The following UBE3C variants were observed in gnomAD, a reference collection of about 807,000 sequenced individuals.
UBE3C encodes ubiquitin protein ligase E3C.
Under a neutral mutation model 129.4 loss-of-function variants are expected in UBE3C, and 42 were observed. The ratio of observed to expected loss-of-function variants is 0.32; its 90% CI spans 0.25 to 0.42. UBE3C has a LOEUF of 0.42. Among genes scored for constraint, UBE3C ranks in the 10% least tolerant of loss-of-function variants. UBE3C has a pLI of 1.00. For synonymous variants in UBE3C, 510 were observed against 492.4 expected (o/e 1.04, Z -0.47); for missense variants, 1,049 against 1,319.1 (o/e 0.80, Z 3.17).
intron 13 of UBE3C, among the ~76,000 whole-genome samples, chr7:157,214,112 C>T (rs1319847128): frequency 6.6e-6 from 1 of 152,100 alleles, no homozygotes; most frequent in Non-Finnish European, 1.5e-5. Flanking sequence ...CCCCATCTCC[C>T]TCCACCGCCT....
intron 3 of UBE3C, 38 bp downstream of exon 3, chr7:157,169,160 G>A (rs1714109776): frequency 6.5e-7 from 1 of 1,532,100 alleles, no homozygotes; most frequent in Admixed American, 1.7e-5. Flanking sequence ...AGTAGGGCAT[G>A]GGAGAGCTTA....
intron 8 of UBE3C, 100 bp from the exon 9 acceptor site, chr7:157,183,778 A>G: frequency 1.4e-6 from 2 of 1,384,058 alleles, no homozygotes; most frequent in Admixed American, 2.2e-5. Context: ...AGATCTGGTC[A>G]GAAATGCCTC....
rs1563043995 is a variant in UBE3C at position 157,181,511 on chromosome 7, CT to C, written c.617-3del. ...ACTAAATTTTAAATATGTGTTTTTC[CT>C]TTTAGGGTATTATAGGTCTCTATAT... On this transcript the variant is annotated splice_region_variant and splice_polypyrimidine_tract_variant and intron_variant, in intron 6 of 22. Coordinates refer to ENST00000348165, the MANE Select transcript of UBE3C (RefSeq NM_014671.3). 14 of 1,551,410 alleles carry C rather than the reference CT, an allele frequency of 9.0e-6. No homozygotes were observed. Among genetic ancestry groups the C allele is most frequent in the African/African-American group, 1.4e-5 (1 of 70,954 alleles).
In UBE3C at chr7:157,228,089, T is replaced by TTAATTATATGTG. The variant is rs1795926912; in HGVS notation, c.2233+2550_2233+2551insTAATTATATGTG. On this transcript the variant is annotated intron_variant, in intron 17 of 22. Transcript: ENST00000348165. ...AAAATTTACATATAATCAACTAATG[T>TTAATTATATGTG]GATTATTCCACGTGTCATCTAGTCA... Among the ~76,000 whole-genome samples the TTAATTATATGTG allele has an allele frequency of 3.9e-5, 6 of 152,378 alleles. No homozygotes were observed. In the South Asian group the frequency reaches 1.2e-3, roughly 32 times the overall value.
At chr7:157,149,987 G>A (rs575424925) in intron 1 of UBE3C, among the ~76,000 whole-genome samples, 17 of 152,232 alleles carry the variant, frequency 1.1e-4, no homozygotes, top group Admixed American at 2.6e-4. Context: ...CATCACCTTC[G>A]ATGGTGGTCA....
intron 19 of UBE3C, among the ~76,000 whole-genome samples, chr7:157,249,685 A>G (rs1584821265): frequency 6.6e-6 from 1 of 152,212 alleles, no homozygotes; most frequent in African/African-American, 2.4e-5. Context: ...TTTCTGGCCA[A>G]ATGATATTCC....
chr7:157,199,188 A>G (rs539675602), intron 10 of UBE3C, among the ~76,000 whole-genome samples: 16 of 152,328 alleles, frequency 1.1e-4, no homozygotes, highest in African/African-American at 2.4e-4. Context: ...TAAAAACTCA[A>G]TTTCTCAACT....
chr7:157,163,949 TG>T, intron 2 of UBE3C, 86 bp downstream of exon 2: 1 of 1,226,386 alleles, frequency 8.2e-7, no homozygotes. Flanking sequence ...TATATGTATG[TG>T]TGTATGTATT....
Position 157,260,455 on chromosome 7 carries a change from G to A in UBE3C, c.3081+3411G>A, listed in dbSNP as rs563972520. Among the ~76,000 whole-genome samples the A allele has an allele frequency of 3.9e-5, 6 of 152,258 alleles. No individual in the cohort carries two copies. The South Asian group carries it at 6.2e-4, about 16-fold the overall frequency. Reference sequence around the variant, plus strand: ...ATGTGACCAGATAGGAGAATCTCTCGAGCGCAGGGAAAGCTGGGTGCTGCC... The same window carrying A: ...ATGTGACCAGATAGGAGAATCTCTCAAGCGCAGGGAAAGCTGGGTGCTGCC... On this transcript the variant is annotated intron_variant, in intron 22 of 22. Transcript: ENST00000348165.
intron 5 of UBE3C, among the ~76,000 whole-genome samples, chr7:157,175,302 C>T (rs1387704977): frequency 3.9e-5 from 6 of 151,918 alleles, no homozygotes; most frequent in Non-Finnish European, 7.4e-5. Flanking sequence ...TGAATGATGG[C>T]CATCCTGGTT....
intron 18 of UBE3C, among the ~76,000 whole-genome samples, chr7:157,237,753 C>T (rs1796188836): frequency 6.6e-6 from 1 of 151,908 alleles, no homozygotes; most frequent in African/African-American, 2.4e-5. Context: ...AACAAATAAT[C>T]TAAAAAATAG....
intron 22 of UBE3C, among the ~76,000 whole-genome samples, chr7:157,259,869 GT>G (rs1796852266): frequency 1.3e-5 from 2 of 152,132 alleles, no homozygotes; most frequent in African/African-American, 4.8e-5. Context: ...CAATTAAGCT[GT>G]TCTTAAAAAT....
At chr7:157,159,248 A>G (rs1808000781) in intron 1 of UBE3C, among the ~76,000 whole-genome samples, 1 of 152,212 alleles carries the variant, frequency 6.6e-6, no homozygotes. Flanking sequence ...AAACTTGAAA[A>G]AAGTATTTTG....
At chr7:157,212,992 G>A (rs571291438) in intron 13 of UBE3C, among the ~76,000 whole-genome samples, 129 of 151,952 alleles carry the variant, frequency 8.5e-4, no homozygotes, top group Non-Finnish European at 1.5e-3. Context: ...TCCTAGGCTC[G>A]AGTGATCTGC....
chr7:157,223,111 T>C (rs1795782994), intron 15 of UBE3C, 143 bp from the exon 16 acceptor site: 1 of 785,686 alleles, frequency 1.3e-6, no homozygotes, highest in African/African-American at 1.7e-5. Flanking sequence ...TGGGTCTGCC[T>C]GAGGCGGGGA....
intron 17 of UBE3C, among the ~76,000 whole-genome samples, chr7:157,230,326 C>G (rs1282368664): frequency 6.6e-6 from 1 of 151,790 alleles, no homozygotes; most frequent in African/African-American, 2.4e-5. Context: ...CTTCCCTGAA[C>G]CACATTGGAA....
chr7:157,256,315 G>A (rs1337798603), intron 21 of UBE3C, among the ~76,000 whole-genome samples: 2 of 152,014 alleles, frequency 1.3e-5, no homozygotes, highest in East Asian at 1.9e-4. Flanking sequence ...GCGAATTTTT[G>A]TACATTTGGT....
chr7:157,238,051 A>G (rs1796198498), intron 18 of UBE3C, among the ~76,000 whole-genome samples: 1 of 152,166 alleles, frequency 6.6e-6, no homozygotes. Flanking sequence ...CTGTCTCAAA[A>G]TAATAATAAA....
chr7:157,182,894 G>A (rs1563044792), intron 8 of UBE3C, among the ~76,000 whole-genome samples: 1 of 151,988 alleles, frequency 6.6e-6, no homozygotes, highest in Non-Finnish European at 1.5e-5. Flanking sequence ...GACTACAGGT[G>A]CACGCCACCA....
Sources: gnomAD v4.1 joint callset for allele counts (sites outside exome capture counted in the v4.1 genomes callset) on GRCh38, gnomAD v4.1.1 for gene constraint, MANE v1.5 for transcripts, NCBI Gene and HGNC (gene_info 2026-07-23, HGNC 2026-07-21) for gene names.